Variants in UTP14A observed in about 807,000 individuals in gnomAD.
UTP14A encodes UTP14A small subunit processome component, also known as U3 small nucleolar RNA-associated protein 14 homolog A.
Under a neutral mutation model 57.2 loss-of-function variants are expected in UTP14A, and 5 were observed. The ratio of observed to expected loss-of-function variants is 0.09; its 90% CI spans 0.05 to 0.18. The LOEUF (loss-of-function observed/expected upper bound fraction) is 0.18. Ranked by LOEUF, UTP14A falls within the 10% of genes least tolerant of loss-of-function variation. The probability of loss-of-function intolerance (pLI) is 1.00; values close to 1 mark genes in which losing one functional copy is unlikely to be tolerated. For synonymous variants in UTP14A, 169 were observed against 210.9 expected (o/e 0.80, Z 1.72); for missense variants, 430 against 562.1 (o/e 0.76, Z 2.38).
intron 2 of UTP14A, 82 bp downstream of exon 2, chrX:129,907,524 G>GTA: frequency 1.1e-6 from 1 of 880,011 alleles, no homozygotes; most frequent in Non-Finnish European, 1.6e-6. Context: ...AATGTTCTAT[G>GTA]TATTTGTTCA....
chrX:129,920,392 G>GC (rs776970088), intron 8 of UTP14A, 65 bp from the exon 9 acceptor site: 3 of 1,203,485 alleles, frequency 2.5e-6, no homozygotes, highest in Non-Finnish European at 3.4e-6. Flanking sequence ...GGTAGTATGG[G>GC]CACTTGTGCC....
At chrX:129,910,661 AAAAC>A (rs1258748683) in intron 4 of UTP14A, among the ~76,000 whole-genome samples, 1 of 112,702 alleles carries the variant, frequency 8.9e-6, no homozygotes, top group African/African-American at 3.2e-5. Flanking sequence ...ACCCTGTCTC[AAAAC>A]AAACAACAAC....
intron 6 of UTP14A, among the ~76,000 whole-genome samples, chrX:129,914,280 G>C (rs889480558): frequency 9.0e-6 from 1 of 111,191 alleles, no homozygotes; most frequent in Non-Finnish European, 1.9e-5. Context: ...TCTAGAAACT[G>C]AATATCAAGT....
At chrX:129,907,680 C>T (rs1037775865) in intron 2 of UTP14A, among the ~76,000 whole-genome samples, 2 of 112,186 alleles carry the variant, frequency 1.8e-5, no homozygotes, top group Non-Finnish European at 3.8e-5. Flanking sequence ...AAAACAGGCC[C>T]GGGTGATGGC....
chrX:129,929,340 G>A lies in UTP14A; in HGVS notation c.2048G>A (p.Arg683Gln), dbSNP rs768071526. ...RNIHAAAHQV[R>Q]VLPYPFTHHW... The stretch of plus-strand genomic sequence containing the variant: ...ATCATTCTCCTTCCTTTCCAGGTAC[G>A]AGTGCTTCCATATCCATTTACCCAC... Residue 683 changes from arginine to glutamine, a missense_variant, in exon 15 of 15, where the codon CGA (arginine) becomes CAA (glutamine). Physicochemically the swap from Arg to Gln is conservative, Grantham distance 43. Transcript: ENST00000394422. The A allele has an allele frequency of 9.9e-6, 12 of 1,206,833 alleles. No individual in the cohort carries two copies. Among genetic ancestry groups the A allele is most frequent in the African/African-American group, 5.3e-5 (3 of 56,697 alleles).
Position 129,929,406 on chromosome X carries a change from C to T in UTP14A, c.2114C>T (p.Ser705Phe). Reference sequence around the variant, plus strand: ...AGGACCATCCAGACCCCCATAGGATCCACATGGAACACCCAGAGGGCTTTC... The same window carrying T: ...AGGACCATCCAGACCCCCATAGGATTCACATGGAACACCCAGAGGGCTTTC... ...FERTIQTPIG[S>F]TWNTQRAFQK... is the part of the protein sequence containing the mutation. Residue 705 changes from serine (S) to phenylalanine (F), a missense_variant, in exon 15 of 15, where the codon TCC (serine) becomes TTC (phenylalanine). Coordinates refer to ENST00000394422, the MANE Select transcript of UTP14A (RefSeq NM_006649.4). 1 of 1,211,746 alleles carries T rather than the reference C, an allele frequency of 8.3e-7. No individual in the cohort carries two copies. Among genetic ancestry groups the T allele is most frequent in the Non-Finnish European group, 1.1e-6 (1 of 895,466 alleles).
intron 6 of UTP14A, among the ~76,000 whole-genome samples, chrX:129,914,455 T>G (rs1185840737): frequency 9.2e-6 from 1 of 109,279 alleles, no homozygotes; most frequent in Non-Finnish European, 1.9e-5. Context: ...CACATGCCTG[T>G]AGTCTCAGCT....
chrX:129,910,949 A>G lies in UTP14A; in HGVS notation c.239-59A>G, dbSNP rs1180945898. On this transcript the variant is annotated intron_variant, in intron 4 of 14. Transcript: ENST00000394422. ...ATTTTCTACTGAGGCTTCTCCCTACATTATATTGAGATCTTGTCTCACTTC... is the reference window on the plus strand; with the variant it reads ...ATTTTCTACTGAGGCTTCTCCCTACGTTATATTGAGATCTTGTCTCACTTC... The G allele has an allele frequency of 2.4e-5, 28 of 1,186,434 alleles. 1 individual carries two copies. In the East Asian group the frequency reaches 8.0e-4, roughly 34 times the overall value.
chrX:129,918,414 A>C (rs987603726), intron 6 of UTP14A, among the ~76,000 whole-genome samples: 6 of 107,911 alleles, frequency 5.6e-5, no homozygotes, highest in Non-Finnish European at 9.6e-5. Context: ...AAAAAAAAAA[A>C]AACTAACCGC....
chrX:129,920,356 C>T, intron 8 of UTP14A, 101 bp from the exon 9 acceptor site: 1 of 1,133,909 alleles, frequency 8.8e-7, no homozygotes, highest in South Asian at 1.9e-5. Context: ...ATGCCCATTC[C>T]AGCCCCCTGC....
At chrX:129,926,612 G>A (rs1360214077) in intron 14 of UTP14A, among the ~76,000 whole-genome samples, 1 of 112,322 alleles carries the variant, frequency 8.9e-6, no homozygotes, top group African/African-American at 3.2e-5. Flanking sequence ...AAGACAAACC[G>A]GTACTTGTTC....
intron 12 of UTP14A, 76 bp from the exon 13 acceptor site, chrX:129,925,843 G>A: frequency 2.6e-6 from 3 of 1,153,162 alleles, no homozygotes; most frequent in South Asian, 3.8e-5. Flanking sequence ...AAAATGTCAC[G>A]ACCCGAAATT....
At chrX:129,908,385 T>A (rs750790804) in intron 3 of UTP14A, 1 of 406,620 alleles carries the variant, frequency 2.5e-6, no homozygotes, top group Admixed American at 4.5e-5. Context: ...TAAATTTACT[T>A]ACCCCCAAGG....
intron 6 of UTP14A, among the ~76,000 whole-genome samples, chrX:129,918,856 G>A (rs747552369): frequency 1.8e-5 from 2 of 108,650 alleles, no homozygotes; most frequent in South Asian, 7.9e-4. Flanking sequence ...CAGCCTGGGC[G>A]ACAGAGCAAG....
At chrX:129,913,259 G>T (rs1320335308) in intron 6 of UTP14A, 7 of 293,541 alleles carry the variant, frequency 2.4e-5, no homozygotes, top group Non-Finnish European at 4.7e-5. Flanking sequence ...TTATTATGGG[G>T]ATAAGCTGTT....
intron 11 of UTP14A, among the ~76,000 whole-genome samples, chrX:129,924,421 G>A (rs769318589): frequency 9.2e-6 from 1 of 108,965 alleles, no homozygotes; most frequent in Non-Finnish European, 1.9e-5. Flanking sequence ...TGAGTAGCTG[G>A]ACTACAGGCA....
rs1930234225 is a variant in UTP14A, at chrX:129,929,431, C to T, written c.2139C>T (p.Phe713=). The change falls in exon 15 of 15, where the codon TTC becomes TTT. Residue 713 remains phenylalanine, a synonymous_variant. Transcript: ENST00000394422. ...CCACATGGAACACCCAGAGGGCTTT[C>T]CAAAAGCTGACTACTCCCAAGGTCG... ...IGSTWNTQRA[F]QKLTTPKVVT... The T allele has an allele frequency of 8.3e-7, 1 of 1,209,878 alleles. No homozygotes were observed. Among genetic ancestry groups the T allele is most frequent in the Admixed American group, 2.2e-5 (1 of 45,695 alleles).
At position 129,929,740 on chromosome X, in the gene UTP14A, A is replaced by AT. The variant is rs1299725474; in HGVS notation, c.*138dup. On this transcript the variant is annotated 3_prime_UTR_variant, in exon 15 of 15. Coordinates refer to ENST00000394422, the MANE Select transcript of UTP14A (RefSeq NM_006649.4). ...TAAGCCACATTTTAAAAATAAAGGC[A>AT]TTTTTTAATCTATTTACCTGGAGTA... The AT allele has an allele frequency of 1.5e-4, 123 of 826,699 alleles. 1 individual carries two copies. The East Asian group carries it at 4.2e-3, about 28-fold the overall frequency. 68.1% of individuals were successfully genotyped at this position (826,699 alleles called of 1,213,427 possible). A position where few individuals can be genotyped will look rare whatever the true frequency, so the allele number is the denominator to read the frequency against.
intron 10 of UTP14A, 55 bp downstream of exon 10, chrX:129,920,807 C>T: frequency 8.3e-7 from 1 of 1,209,582 alleles, no homozygotes; most frequent in Non-Finnish European, 1.1e-6. Context: ...CTAGCAGAAG[C>T]AGAGTTGGGG....
Sources: gnomAD v4.1 joint callset for allele counts (sites outside exome capture counted in the v4.1 genomes callset) on GRCh38, gnomAD v4.1.1 for gene constraint, MANE v1.5 for transcripts, NCBI Gene and HGNC (gene_info 2026-07-23, HGNC 2026-07-21) for gene names.